Variants in RUFY3 observed in about 807,000 individuals in gnomAD.
RUFY3 encodes RUN and FYVE domain containing 3, also known as protein RUFY3.
A neutral mutation model predicts 84.0 loss-of-function variants in RUFY3; 34 were observed. That is an observed-to-expected ratio of 0.40 (90% CI 0.31 to 0.54). RUFY3 has a LOEUF of 0.54. RUFY3 is among the 20% of genes least tolerant of loss of function. The pLI, the probability that RUFY3 is intolerant of heterozygous loss-of-function variation, is 0.39. For synonymous variants in RUFY3, 242 were observed against 252.9 expected (o/e 0.96, Z 0.41); for missense variants, 507 against 736.8 (o/e 0.69, Z 3.61).
At chr4:70,721,055 T>C (rs1742221269), upstream of RUFY3, among the ~76,000 whole-genome samples, 3 of 152,294 alleles carry the variant, frequency 2.0e-5, no homozygotes, top group South Asian at 6.2e-4. Flanking sequence ...GGCTCACGCC[T>C]GTAATCCCAG....
At chr4:70,792,503 G>A in intron 12 of RUFY3, 1 of 984,968 alleles carries the variant, frequency 1.0e-6, no homozygotes, top group Non-Finnish European at 1.2e-6. Context: ...CCTATAAACA[G>A]TTTGATTTTT....
intron 16 of RUFY3, among the ~76,000 whole-genome samples, chr4:70,803,367 T>C (rs958767862): frequency 2.0e-5 from 3 of 152,142 alleles, no homozygotes; most frequent in African/African-American, 7.2e-5. Context: ...GATAAGCCCA[T>C]GAGAAAGACA....
intron 8 of RUFY3, among the ~76,000 whole-genome samples, chr4:70,778,871 C>T (rs1200540952): frequency 6.6e-6 from 1 of 152,138 alleles, no homozygotes; most frequent in Non-Finnish European, 1.5e-5. Context: ...TGAGCCACCT[C>T]GCCTGGCCCA....
At chr4:70,733,095 G>GAGAGGAGAGA (rs1332679836) in intron 1 of RUFY3, among the ~76,000 whole-genome samples, 1 of 61,710 alleles carries the variant, frequency 1.6e-5, no homozygotes, top group African/African-American at 8.4e-5. Flanking sequence ...GAGAGAGAGA[G>GAGAGGAGAGA]GAGAGAGAGA....
chr4:70,806,613 C>T lies in RUFY3; in HGVS notation c.1817C>T (p.Pro606Leu). 1 of 1,614,136 alleles carries T rather than the reference C, an allele frequency of 6.2e-7. No individual in the cohort carries two copies. Among genetic ancestry groups the T allele is most frequent in the South Asian group, 1.1e-5 (1 of 91,084 alleles). Residue 606 changes from proline to leucine, a missense_variant, in exon 18 of 18, where the codon CCC becomes CTC. Pro to Leu is a moderately conservative substitution (Grantham distance 98, BLOSUM62 -3). Transcript: ENST00000381006. Reference protein sequence around the residue: ...SSIKLERVCNPCHKHLMKQYS... With the variant: ...SSIKLERVCNLCHKHLMKQYS... Reference sequence around the variant, plus strand: ...ATCAAGCTTGAGCGAGTTTGCAATCCCTGTCACAAGCATCTGATGAAGCAA... The same window carrying T: ...ATCAAGCTTGAGCGAGTTTGCAATCTCTGTCACAAGCATCTGATGAAGCAA...
intron 10 of RUFY3, among the ~76,000 whole-genome samples, chr4:70,788,032 A>G (rs930456137): frequency 2.2e-4 from 33 of 151,950 alleles, no homozygotes; most frequent in Non-Finnish European, 4.4e-5. Flanking sequence ...CACACCTGTA[A>G]TCCCAGCACT....
At chr4:70,713,903 G>T (rs1741278838) in intron 1 of RUFY3, among the ~76,000 whole-genome samples, 1 of 152,156 alleles carries the variant, frequency 6.6e-6, no homozygotes, top group African/African-American at 2.4e-5. Context: ...TCCCATAAAC[G>T]TTTATCCTTA....
chr4:70,745,477 T>A (rs1722051200), intron 1 of RUFY3, among the ~76,000 whole-genome samples: 1 of 152,196 alleles, frequency 6.6e-6, no homozygotes, highest in Non-Finnish European at 1.5e-5. Context: ...TACCTTTAGT[T>A]TTTCAATAAA....
At chr4:70,734,770 G>A (rs531977590) in intron 1 of RUFY3, among the ~76,000 whole-genome samples, 3 of 152,240 alleles carry the variant, frequency 2.0e-5, no homozygotes, top group African/African-American at 7.2e-5. Flanking sequence ...CCTGTTTCAG[G>A]ACTACTTTCA....
chr4:70,777,069 A>G (rs1728091336), intron 7 of RUFY3, among the ~76,000 whole-genome samples: 1 of 152,236 alleles, frequency 6.6e-6, no homozygotes, highest in African/African-American at 2.4e-5. Flanking sequence ...GTGGGATTTA[A>G]ACAAATACGT....
At chr4:70,755,209 A>AT (rs1723801520) in intron 1 of RUFY3, among the ~76,000 whole-genome samples, 1 of 152,216 alleles carries the variant, frequency 6.6e-6, no homozygotes, top group South Asian at 2.1e-4. Context: ...GCTTTTACAC[A>AT]TCTTTGAAAA....
intron 1 of RUFY3, among the ~76,000 whole-genome samples, chr4:70,758,402 G>A (rs2148693578): frequency 6.6e-6 from 1 of 152,152 alleles, no homozygotes; most frequent in Non-Finnish European, 1.5e-5. Flanking sequence ...AGGCCAACAT[G>A]GGAGGATGGC....
At position 70,775,160 on chromosome 4, in the gene RUFY3, T is replaced by C; in HGVS notation, c.759-8T>C. ...TATTTTATTTCTATTTTCTTCCCCTTCCCCCAGAGACGGTCAGATTACTGC... is the reference window on the plus strand; with the variant it reads ...TATTTTATTTCTATTTTCTTCCCCTCCCCCCAGAGACGGTCAGATTACTGC... On this transcript the variant is annotated splice_region_variant and splice_polypyrimidine_tract_variant and intron_variant, in intron 6 of 17. Coordinates refer to ENST00000381006, the MANE Select transcript of RUFY3 (RefSeq NM_001037442.4). 1.3e-6 allele frequency: 2 copies of C among 1,584,420 alleles called. No individual in the cohort carries two copies. The highest frequency in any genetic ancestry group is 8.6e-7 in the Non-Finnish European group (1 of 1,160,454).
intron 6 of RUFY3, among the ~76,000 whole-genome samples, chr4:70,774,670 T>TATATATATAAAA (rs766227141): frequency 1.2e-5 from 1 of 81,072 alleles, no homozygotes; most frequent in African/African-American, 5.3e-5. Context: ...TATATATATA[T>TATATATATAAAA]AAAATAAACA....
chr4:70,749,677 A>G (rs1379403571), intron 1 of RUFY3, among the ~76,000 whole-genome samples: 1 of 145,964 alleles, frequency 6.9e-6, no homozygotes, highest in Non-Finnish European at 1.5e-5. Flanking sequence ...TTTTTTTGAG[A>G]CAGGATCTCA....
chr4:70,804,761 C>CAAAAAA (rs1186156048), intron 17 of RUFY3, among the ~76,000 whole-genome samples: 3 of 76,848 alleles, frequency 3.9e-5, no homozygotes, highest in Admixed American at 1.6e-4. Flanking sequence ...ACTAAAAATA[C>CAAAAAA]AAAAAAAAAA....
intron 1 of RUFY3, among the ~76,000 whole-genome samples, chr4:70,732,340 G>A (rs1303571375): frequency 6.6e-6 from 1 of 152,198 alleles, no homozygotes; most frequent in Non-Finnish European, 1.5e-5. Context: ...CCATGGTACT[G>A]TGTACTATTT....
At chr4:70,769,593 A>G (rs1726604637) in intron 5 of RUFY3, among the ~76,000 whole-genome samples, 1 of 152,202 alleles carries the variant, frequency 6.6e-6, no homozygotes, top group Non-Finnish European at 1.5e-5. Flanking sequence ...AAATAAGACA[A>G]CAATGAAGTT....
intron 1 of RUFY3, among the ~76,000 whole-genome samples, chr4:70,711,316 A>G (rs1740974483): frequency 6.6e-6 from 1 of 152,008 alleles, no homozygotes; most frequent in Non-Finnish European, 1.5e-5. Context: ...TGAAAAGGCA[A>G]AAGTACTTTA....
Sources: allele counts gnomAD v4.1 joint callset (sites outside exome capture counted in the v4.1 genomes callset), GRCh38; gene constraint gnomAD v4.1.1; transcripts MANE v1.5; gene names NCBI Gene and HGNC (gene_info 2026-07-23, HGNC 2026-07-21).